Variants in FSTL5 observed in about 807,000 individuals in gnomAD.
FSTL5 encodes follistatin like 5, also known as follistatin-related protein 5.
In FSTL5, 62 loss-of-function variants were observed where a neutral mutation model predicts 89.1. The ratio of observed to expected loss-of-function variants is 0.70; its 90% CI spans 0.57 to 0.86. The LOEUF is 0.86. FSTL5 is among the 40% of genes least tolerant of loss of function. The probability of loss-of-function intolerance (pLI) is 0.00; values close to 1 mark genes in which losing one functional copy is unlikely to be tolerated. For missense variants in FSTL5, 1,057 were observed against 1,001.6 expected (o/e 1.06, Z -0.75); for synonymous variants, 383 against 346.2 (o/e 1.11, Z -1.18).
intron 4 of FSTL5, among the ~76,000 whole-genome samples, chr4:161,903,214 G>T (rs17536732): frequency 0.047 from 7,072 of 151,554 alleles, 209 homozygotes; most frequent in Non-Finnish European, 0.07. Context: ...GTCTCCTTAT[G>T]TTATGTGCCA....
At chr4:161,864,712 A>G (rs1732021828) in intron 4 of FSTL5, among the ~76,000 whole-genome samples, 2 of 152,018 alleles carry the variant, frequency 1.3e-5, no homozygotes, top group African/African-American at 4.8e-5. Context: ...TCTAGTAAAA[A>G]GACAAAAAAA....
At chr4:162,053,733 A>G (rs1738452965) in intron 2 of FSTL5, among the ~76,000 whole-genome samples, 1 of 151,974 alleles carries the variant, frequency 6.6e-6, no homozygotes, top group South Asian at 2.1e-4. Context: ...TATTCTAGAA[A>G]AATACATATA....
chr4:161,531,927 G>A lies in FSTL5; in HGVS notation c.1312+6239C>T, dbSNP rs554112523. On this transcript the variant is annotated intron_variant, in intron 10 of 15. Transcript: ENST00000306100. ...AATAAGAAATTATTTTTAGAGGGCCGGGCGTGGTGGCTCACGCCTATAATC... is the reference window on the plus strand; with the variant it reads ...AATAAGAAATTATTTTTAGAGGGCCAGGCGTGGTGGCTCACGCCTATAATC... 6.6e-5 allele frequency among the ~76,000 whole-genome samples: 10 copies of A among 152,150 alleles called. 1 individual carries two copies. The South Asian group carries it at 1.0e-3, about 16-fold the overall frequency.
chr4:161,556,827 T>C (rs1732410036), intron 8 of FSTL5, among the ~76,000 whole-genome samples: 1 of 145,542 alleles, frequency 6.9e-6, no homozygotes, highest in Admixed American at 6.8e-5. Context: ...ATTATATATA[T>C]ATGTGTGTGT....
chr4:161,487,255 A>C (rs1729711428), intron 12 of FSTL5, among the ~76,000 whole-genome samples: 3 of 152,200 alleles, frequency 2.0e-5, no homozygotes, highest in Non-Finnish European at 4.4e-5. Context: ...GCCAAAAAGA[A>C]AAAATAGTCA....
At chr4:161,687,525 T>C (rs886279834) in intron 6 of FSTL5, among the ~76,000 whole-genome samples, 11 of 152,206 alleles carry the variant, frequency 7.2e-5, no homozygotes, top group Admixed American at 2.6e-4. Flanking sequence ...CATGAATGTC[T>C]AGGTCAGTAT....
intron 5 of FSTL5, among the ~76,000 whole-genome samples, chr4:161,764,037 G>A (rs1321323492): frequency 6.6e-6 from 1 of 151,868 alleles, no homozygotes; most frequent in Non-Finnish European, 1.5e-5. Context: ...ACTAAGTGCT[G>A]GAGGTGAATT....
At chr4:161,750,995 A>G (rs367745314) in intron 6 of FSTL5, among the ~76,000 whole-genome samples, 2 of 152,128 alleles carry the variant, frequency 1.3e-5, no homozygotes, top group African/African-American at 4.8e-5. Context: ...AATATGATAA[A>G]TGTTTCACTT....
chr4:161,930,864 T>G (rs1015370869), intron 3 of FSTL5, among the ~76,000 whole-genome samples: 5 of 151,876 alleles, frequency 3.3e-5, no homozygotes, highest in Admixed American at 2.0e-4. Context: ...GATTTCCAAG[T>G]GCTTATATTC....
intron 7 of FSTL5, among the ~76,000 whole-genome samples, chr4:161,645,579 C>G (rs1736124996): frequency 6.6e-6 from 1 of 152,130 alleles, no homozygotes; most frequent in African/African-American, 2.4e-5. Context: ...CATTTTAAAA[C>G]AGTGCACTGT....
intron 3 of FSTL5, among the ~76,000 whole-genome samples, chr4:161,978,355 A>G (rs1046728377): frequency 1.3e-5 from 2 of 152,144 alleles, no homozygotes; most frequent in Non-Finnish European, 1.5e-5. Flanking sequence ...ACAAAACAAA[A>G]AACCCTTTTA....
At chr4:161,754,735 CATTT>C (rs1437930829) in intron 6 of FSTL5, among the ~76,000 whole-genome samples, 2 of 151,976 alleles carry the variant, frequency 1.3e-5, no homozygotes, top group African/African-American at 4.8e-5. Flanking sequence ...CAAATAAAGA[CATTT>C]ATTTGAGCAT....
chr4:161,508,829 G>A (rs1730563890), intron 11 of FSTL5, among the ~76,000 whole-genome samples: 1 of 152,006 alleles, frequency 6.6e-6, no homozygotes, highest in Non-Finnish European at 1.5e-5. Flanking sequence ...GGAAGCATCT[G>A]GCTTAGCTTC....
intron 10 of FSTL5, among the ~76,000 whole-genome samples, chr4:161,515,751 A>C (rs1202227378): frequency 1.3e-5 from 2 of 151,830 alleles, no homozygotes; most frequent in Non-Finnish European, 1.5e-5. Context: ...AGATGCTAGC[A>C]TAAGTAATAG....
chr4:161,917,520 C>G (rs926779404), intron 4 of FSTL5, among the ~76,000 whole-genome samples: 1 of 152,010 alleles, frequency 6.6e-6, no homozygotes. Context: ...AATATCCTAA[C>G]CAGGATATTG....
At chr4:161,809,144 G>A (rs932760058) in intron 4 of FSTL5, among the ~76,000 whole-genome samples, 20 of 152,214 alleles carry the variant, frequency 1.3e-4, no homozygotes, top group East Asian at 1.2e-3. Flanking sequence ...GCGTGAACCC[G>A]GGAGGCGGAG....
At chr4:161,867,264 T>G (rs1156963329) in intron 4 of FSTL5, among the ~76,000 whole-genome samples, 1 of 152,030 alleles carries the variant, frequency 6.6e-6, no homozygotes, top group Non-Finnish European at 1.5e-5. Flanking sequence ...CTGAAATTAC[T>G]TCTCTAAATA....
chr4:161,485,314 G>T (rs1729639325), intron 12 of FSTL5, among the ~76,000 whole-genome samples: 1 of 152,138 alleles, frequency 6.6e-6, no homozygotes, highest in African/African-American at 2.4e-5. Context: ...AAAAGCCAAG[G>T]CTCAGACTTT....
chr4:161,440,284 T>A (rs914648678), intron 15 of FSTL5, among the ~76,000 whole-genome samples: 1 of 152,102 alleles, frequency 6.6e-6, no homozygotes, highest in Non-Finnish European at 1.5e-5. Flanking sequence ...ATATCTGGAC[T>A]TGATAGAGTA....
Sources: gnomAD v4.1 joint callset for allele counts (sites outside exome capture counted in the v4.1 genomes callset) on GRCh38, gnomAD v4.1.1 for gene constraint, MANE v1.5 for transcripts, NCBI Gene and HGNC (gene_info 2026-07-23, HGNC 2026-07-21) for gene names.